The following PDCD6IP variants were observed in gnomAD, a reference collection of about 807,000 sequenced individuals.
The protein encoded by PDCD6IP is programmed cell death 6 interacting protein.
In PDCD6IP, 43 loss-of-function variants were observed where a neutral mutation model predicts 103.7. The ratio of observed to expected loss-of-function variants is 0.41; its 90% CI spans 0.32 to 0.53. The LOEUF (loss-of-function observed/expected upper bound fraction) is 0.53, where lower values mean the gene tolerates loss of function less well. PDCD6IP is among the 20% of genes least tolerant of loss of function. The pLI, the probability that PDCD6IP is intolerant of heterozygous loss-of-function variation, is 0.16. For missense variants in PDCD6IP, 871 were observed against 1,036.7 expected, an observed-to-expected ratio of 0.84 and a Z score of 2.20; for synonymous variants, 354 against 378.7, an observed-to-expected ratio of 0.93 and a Z score of 0.76.
At position 33,822,111 on chromosome 3, in the gene PDCD6IP, T is replaced by C. The variant is rs1697005765; in HGVS notation, c.462+29T>C. The C allele has an allele frequency of 3.1e-6, 5 of 1,606,792 alleles. No homozygotes were observed. In the Admixed American group the frequency reaches 5.0e-5, roughly 16 times the overall value. ...TGCTGAAAAGTAGTTACTACAATAA[T>C]GGTCAACACTAAATTGGATTAAGTG... On this transcript the variant is annotated intron_variant, in intron 4 of 17. Coordinates refer to ENST00000307296, the MANE Select transcript of PDCD6IP (RefSeq NM_013374.6).
At chr3:33,800,687 A>T (rs1287442722) in intron 1 of PDCD6IP, among the ~76,000 whole-genome samples, 1 of 152,198 alleles carries the variant, frequency 6.6e-6, no homozygotes, top group Admixed American at 6.5e-5. Flanking sequence ...TTTCAAGGTA[A>T]TTTTTATGTA....
chr3:33,854,029 A>C lies in PDCD6IP; in HGVS notation c.2025+16A>C, dbSNP rs755199630. 2.6e-6 allele frequency: 4 copies of C among 1,559,084 alleles called. No individual in the cohort carries two copies. The South Asian group carries it at 5.0e-5, about 20-fold the overall frequency. On this transcript the variant is annotated intron_variant, in intron 14 of 17. Coordinates refer to ENST00000307296, the MANE Select transcript of PDCD6IP (RefSeq NM_013374.6). Reference sequence around the variant, plus strand: ...AGGCACAAAGGTATGAAGTACATGCAAAAGGAACCATAGCTAGCAAGTACA... The same window carrying C: ...AGGCACAAAGGTATGAAGTACATGCCAAAGGAACCATAGCTAGCAAGTACA...
chr3:33,839,291 A>G (rs1697419180), intron 9 of PDCD6IP, among the ~76,000 whole-genome samples: 1 of 152,180 alleles, frequency 6.6e-6, no homozygotes, highest in Non-Finnish European at 1.5e-5. Flanking sequence ...ACAATTTAAA[A>G]CACGTGTAAT....
chr3:33,862,086 C>A (rs1294670416), intron 15 of PDCD6IP, among the ~76,000 whole-genome samples: 8 of 152,058 alleles, frequency 5.3e-5, no homozygotes, highest in Non-Finnish European at 1.2e-4. Flanking sequence ...CTGCAACCAT[C>A]CCTAGAGTTT....
Position 33,814,960 on chromosome 3 carries a change from AGTAT to A in PDCD6IP, c.334+1337_334+1340del, listed in dbSNP as rs1696813857. Among the ~76,000 whole-genome samples the A allele has an allele frequency of 2.0e-5, 3 of 147,274 alleles. No individual in the cohort carries two copies. In the South Asian group the frequency reaches 6.3e-4, roughly 31 times the overall value. Reference sequence around the variant, plus strand: ...TATATATACACATGCATTATATATAAGTATGTATAATATGCCTTATGGTATATCC... The same window carrying A: ...TATATATACACATGCATTATATATAAGTATAATATGCCTTATGGTATATCC... On this transcript the variant is annotated intron_variant, in intron 3 of 17. Coordinates refer to ENST00000307296, the MANE Select transcript of PDCD6IP (RefSeq NM_013374.6).
At chr3:33,864,658 C>T (rs1297401585) in intron 16 of PDCD6IP, among the ~76,000 whole-genome samples, 1 of 152,064 alleles carries the variant, frequency 6.6e-6, no homozygotes, top group African/African-American at 2.4e-5. Context: ...TGGGGAATAG[C>T]ATTAGTTTTT....
At chr3:33,829,756 C>A (rs1327744451) in intron 7 of PDCD6IP, among the ~76,000 whole-genome samples, 1 of 152,104 alleles carries the variant, frequency 6.6e-6, no homozygotes, top group Non-Finnish European at 1.5e-5. Flanking sequence ...TGTCTTGGTT[C>A]ATTTTGTGCT....
At chr3:33,861,511 TGTGG>T (rs1697954617) in intron 15 of PDCD6IP, among the ~76,000 whole-genome samples, 3 of 152,344 alleles carry the variant, frequency 2.0e-5, no homozygotes, top group African/African-American at 7.2e-5. Flanking sequence ...GATAGTCATG[TGTGG>T]CTAATGGTTA....
intron 11 of PDCD6IP, among the ~76,000 whole-genome samples, chr3:33,844,735 C>T (rs369573871): frequency 1.3e-5 from 2 of 152,182 alleles, no homozygotes; most frequent in African/African-American, 4.8e-5. Flanking sequence ...CCTGCCTCCA[C>T]TTCCCAAAGT....
intron 13 of PDCD6IP, among the ~76,000 whole-genome samples, chr3:33,853,019 G>T (rs1697753821): frequency 6.6e-6 from 1 of 151,008 alleles, no homozygotes; most frequent in South Asian, 2.1e-4. Flanking sequence ...CGCCTCCCGG[G>T]TTCACGCCAT....
At chr3:33,858,791 C>G (rs758532829) in intron 15 of PDCD6IP, among the ~76,000 whole-genome samples, 1 of 152,128 alleles carries the variant, frequency 6.6e-6, no homozygotes, top group African/African-American at 2.4e-5. Flanking sequence ...GCCTGGGCAA[C>G]AGAGTGAGAC....
intron 3 of PDCD6IP, 116 bp downstream of exon 3, chr3:33,813,744 T>C: frequency 1.5e-6 from 1 of 660,408 alleles, no homozygotes. Flanking sequence ...TTTTTACATT[T>C]CATTCTCTTT....
intron 4 of PDCD6IP, among the ~76,000 whole-genome samples, 194 bp from the exon 5 acceptor site, chr3:33,824,993 T>G (rs1194352937): frequency 6.6e-6 from 1 of 152,244 alleles, no homozygotes. Flanking sequence ...TTAAATCTCT[T>G]GTTACGCTAT....
chr3:33,838,053 TTAAA>T (rs1697389305), intron 8 of PDCD6IP, 147 bp from the exon 9 acceptor site: 2 of 688,092 alleles, frequency 2.9e-6, no homozygotes, highest in Non-Finnish European at 4.9e-6. Flanking sequence ...TCATTGTGCT[TTAAA>T]TAGTGATTTA....
At chr3:33,813,924 A>G (rs1362119326) in intron 3 of PDCD6IP, among the ~76,000 whole-genome samples, 3 of 152,202 alleles carry the variant, frequency 2.0e-5, no homozygotes, top group South Asian at 2.1e-4. Context: ...TCATGGAAGC[A>G]TATATGAGGA....
intron 4 of PDCD6IP, among the ~76,000 whole-genome samples, chr3:33,824,470 C>T (rs988715271): frequency 6.6e-6 from 1 of 152,118 alleles, no homozygotes; most frequent in African/African-American, 2.4e-5. Context: ...GTTGGCCAGG[C>T]TGGTCTTGAA....
intron 1 of PDCD6IP, among the ~76,000 whole-genome samples, chr3:33,810,721 G>A (rs1294811502): frequency 2.0e-5 from 3 of 152,150 alleles, no homozygotes; most frequent in African/African-American, 7.2e-5. Flanking sequence ...TGGGCAGATT[G>A]CTTGAGCCTG....
chr3:33,855,644 C>A (rs140782497), intron 15 of PDCD6IP, among the ~76,000 whole-genome samples: 1 of 152,192 alleles, frequency 6.6e-6, no homozygotes. Flanking sequence ...CCAGCAAAAT[C>A]ACTTTCAGAA....
intron 12 of PDCD6IP, 48 bp from the exon 13 acceptor site, chr3:33,852,437 CTTT>C (rs59048229): frequency 2.0e-3 from 2,049 of 1,037,398 alleles, no homozygotes; most frequent in Middle Eastern, 5.3e-3. Context: ...TCGAAATTGG[CTTT>C]TTTTTTTTTT....
Sources: allele counts gnomAD v4.1 joint callset (sites outside exome capture counted in the v4.1 genomes callset), GRCh38; gene constraint gnomAD v4.1.1; transcripts MANE v1.5; gene names NCBI Gene and HGNC (gene_info 2026-07-23, HGNC 2026-07-21).